C4orf50: variants seen among roughly 807,000 people sequenced by gnomAD.
The protein encoded by C4orf50 is chromosome 4 open reading frame 50.
Under a neutral mutation model 77.2 loss-of-function variants are expected in C4orf50, and 80 were observed. The ratio of observed to expected loss-of-function variants is 1.04; its 90% CI spans 0.87 to 1.25. The LOEUF is 1.25. Among genes scored for constraint, C4orf50 ranks in the 50% most tolerant of loss-of-function variants. The pLI, the probability that C4orf50 is intolerant of heterozygous loss-of-function variation, is 0.00. For missense variants in C4orf50, 1,257 were observed against 1,152.9 expected (o/e 1.09, Z -1.31); for synonymous variants, 532 against 465.3 (o/e 1.14, Z -1.84).
In C4orf50 at chr4:5,992,902, C is replaced by G. The variant is rs796126937; in HGVS notation, c.1122G>C (p.Trp374Cys). The stretch of plus-strand genomic sequence containing the variant: ...AGGCCCGTCCAGGCCTGATGCGGCT[C>G]CAGGTGCAGGGCCCCTCTGGGGACT... The change falls in exon 27 of 34, where the codon TGG becomes TGC. Residue 374 changes from tryptophan (W) to cysteine (C), a missense_variant. Transcript: ENST00000531445. This position sits in a 1 kb window ranked among gnomAD's most constrained non-coding sequence, Gnocchi z 5.0. The G allele has an allele frequency of 2.5e-6, 1 of 399,104 alleles. No homozygotes were observed. Among genetic ancestry groups the G allele is most frequent in the Non-Finnish European group, 4.4e-6 (1 of 226,122 alleles). 24.7% of individuals were successfully genotyped at this position (399,104 alleles called of 1,614,324 possible).
At position 5,992,866 on chromosome 4, in the gene C4orf50, C is replaced by T. The variant is rs532557482; in HGVS notation, c.1158G>A (p.Leu386=). ...CGCTTGTGGTCTCCGGGCCTGGAGC[C>T]AAAACAGAAGAGGCCCGTCCAGGCC... Residue 386 remains leucine, a synonymous_variant, in exon 27 of 34, where the codon TTG becomes TTA. Coordinates refer to ENST00000531445, the Ensembl canonical transcript of C4orf50. This position sits in a 1 kb window ranked among gnomAD's most constrained non-coding sequence, Gnocchi z 5.0. 2 of 399,084 alleles carry T rather than the reference C, an allele frequency of 5.0e-6. No homozygotes were observed. The highest frequency in any genetic ancestry group is 8.8e-6 in the Non-Finnish European group (2 of 226,128). 24.7% of individuals were successfully genotyped at this position (399,084 alleles called of 1,614,324 possible). A position where few individuals can be genotyped will look rare whatever the true frequency, so the allele number is the denominator to read the frequency against.
In C4orf50 at chr4:5,970,006, T is replaced by C. The variant is rs929630215; in HGVS notation, c.4105-2544A>G. On this transcript the variant is annotated intron_variant, in intron 31 of 33. Coordinates refer to ENST00000531445, the Ensembl canonical transcript of C4orf50. The surrounding 1 kb of genome is among the most constrained non-coding windows in gnomAD (Gnocchi z 4.3). ...TCCCAGGTGAGCCCCGGCAACCCTC[T>C]TCTCCTCTCCTTTGGTACCCGGGCC... is the stretch of plus-strand genomic sequence containing the variant. 6.6e-6 allele frequency among the ~76,000 whole-genome samples: 1 copy of C among 152,100 alleles called. No individual in the cohort carries two copies. The highest frequency in any genetic ancestry group is 2.4e-5 in the African/African-American group (1 of 41,404).
At position 6,015,191 on chromosome 4, in the gene C4orf50, A is replaced by G. The variant is rs763776555; in HGVS notation, c.287+2954T>C. Among the ~76,000 whole-genome samples the G allele has an allele frequency of 6.7e-4, 102 of 152,288 alleles. 1 individual carries two copies. The highest frequency in any genetic ancestry group is 2.3e-3 in the African/African-American group (95 of 41,574). On this transcript the variant is annotated intron_variant, in intron 23 of 33. Coordinates refer to ENST00000531445, the Ensembl canonical transcript of C4orf50. The surrounding 1 kb of genome is among the most constrained non-coding windows in gnomAD (Gnocchi z 4.4). ...TCCTGTGTTGAAGGCCTAACCCCCAAGTTCCTTAGAATGTGATTATATTTG... is the reference window on the plus strand; with the variant it reads ...TCCTGTGTTGAAGGCCTAACCCCCAGGTTCCTTAGAATGTGATTATATTTG...
intron 25 of C4orf50, among the ~76,000 whole-genome samples, chr4:5,996,759 G>A (rs1346827419): frequency 6.6e-6 from 1 of 152,188 alleles, no homozygotes; most frequent in Non-Finnish European, 1.5e-5. Flanking sequence ...ACCAGTGCAG[G>A]AGCCTCAACC....
intron 7 of C4orf50, among the ~76,000 whole-genome samples, chr4:5,913,468 C>G (rs954972064): frequency 2.0e-5 from 3 of 152,152 alleles, no homozygotes; most frequent in Non-Finnish European, 2.9e-5. Flanking sequence ...ACAGATGAGC[C>G]TGTTCAATTT....
intron 7 of C4orf50, among the ~76,000 whole-genome samples, chr4:5,944,470 A>G (rs1319577050): frequency 6.6e-6 from 1 of 152,176 alleles, no homozygotes; most frequent in East Asian, 1.9e-4. Flanking sequence ...GATGAGACAA[A>G]TAGAAGGAGT....
chr4:5,923,072 C>T (rs1717353054), intron 7 of C4orf50, among the ~76,000 whole-genome samples: 1 of 152,206 alleles, frequency 6.6e-6, no homozygotes, highest in Non-Finnish European at 1.5e-5. Flanking sequence ...ACAGAGTGAA[C>T]TTTCCTGGAG....
intron 7 of C4orf50, among the ~76,000 whole-genome samples, chr4:5,934,754 C>T (rs988642222): frequency 1.3e-5 from 2 of 152,188 alleles, no homozygotes; most frequent in African/African-American, 4.8e-5. Flanking sequence ...ACAATAGCAA[C>T]AACAATAATG....
Position 5,905,512 on chromosome 4 carries a change from A to C in C4orf50, c.*2475-7324T>G, listed in dbSNP as rs545584881. The C allele has an allele frequency of 6.6e-6, 1 of 152,356 alleles. No individual in the cohort carries two copies. The highest frequency in any genetic ancestry group is 2.4e-5 in the African/African-American group (1 of 41,564). The allele number at this position is 152,356 out of a possible 1,614,324, so 9.4% of individuals were successfully genotyped here. On this transcript the variant is annotated intron_variant, in intron 7 of 7. Coordinates refer to the C4orf50 transcript ENST00000324058. This position sits in a 1 kb window ranked among gnomAD's most constrained non-coding sequence, Gnocchi z 5.4. ...GAACATAGCAACCAGTGTGGCTTCTACATGAAGCCATCCACATGCACACAC... is the reference window on the plus strand; with the variant it reads ...GAACATAGCAACCAGTGTGGCTTCTCCATGAAGCCATCCACATGCACACAC...
chr4:5,928,187 C>A (rs1341448754), intron 7 of C4orf50, among the ~76,000 whole-genome samples: 1 of 152,150 alleles, frequency 6.6e-6, no homozygotes, highest in Non-Finnish European at 1.5e-5. Flanking sequence ...AAATAAAAAT[C>A]TTTCACAAAA....
At chr4:6,003,648 T>G (rs1721950016) in intron 25 of C4orf50, among the ~76,000 whole-genome samples, 1 of 121,844 alleles carries the variant, frequency 8.2e-6, no homozygotes. Flanking sequence ...GATGTGATAG[T>G]GATGATGGTG....
At chr4:5,991,758 G>C (rs1009647278) in intron 27 of C4orf50, among the ~76,000 whole-genome samples, 2 of 152,160 alleles carry the variant, frequency 1.3e-5, no homozygotes, top group African/African-American at 4.8e-5. Context: ...AAAGGACAGA[G>C]GGGGTCTGAG....
At chr4:5,951,793 C>G (rs1382386594) in intron 7 of C4orf50, among the ~76,000 whole-genome samples, 4 of 152,120 alleles carry the variant, frequency 2.6e-5, no homozygotes, top group African/African-American at 9.7e-5. Context: ...TCCGACCTAC[C>G]TTCTTGCTAA....
At chr4:5,957,853 A>G (rs1208261849) in exon 34 of C4orf50, 1 of 152,152 alleles carries the variant, frequency 6.6e-6, no homozygotes, top group East Asian at 1.9e-4. Flanking sequence ...AATAAAACCC[A>G]CTAGTTTCTA....
intron 7 of C4orf50, chr4:5,903,354 T>C (rs1280012563): frequency 6.6e-6 from 1 of 152,202 alleles, no homozygotes; most frequent in African/African-American, 2.4e-5. Flanking sequence ...CCTGTGTTCA[T>C]AGGAGCAATA....
Position 5,919,713 on chromosome 4 carries a change from C to G in C4orf50, c.*2475-21525G>C, listed in dbSNP as rs1420895543. On this transcript the variant is annotated intron_variant, in intron 7 of 7. Coordinates refer to the C4orf50 transcript ENST00000324058. The surrounding 1 kb of genome is among the most constrained non-coding windows in gnomAD (Gnocchi z 6.5). Reference sequence around the variant, plus strand: ...TGCTGCAAATAAGAATTGGTGCCTACTGGGCCCTGGAGGGACCACACCAGC... The same window carrying G: ...TGCTGCAAATAAGAATTGGTGCCTAGTGGGCCCTGGAGGGACCACACCAGC... Among the ~76,000 whole-genome samples, 2 of 152,160 alleles carry G rather than the reference C, an allele frequency of 1.3e-5. No homozygotes were observed. Among genetic ancestry groups the G allele is most frequent in the Non-Finnish European group, 2.9e-5 (2 of 68,030 alleles).
intron 7 of C4orf50, among the ~76,000 whole-genome samples, chr4:5,933,633 G>C (rs1717863573): frequency 6.6e-6 from 1 of 152,218 alleles, no homozygotes; most frequent in Non-Finnish European, 1.5e-5. Flanking sequence ...CTGCTACTAA[G>C]TGAGCTGGGG....
intron 7 of C4orf50, among the ~76,000 whole-genome samples, chr4:5,933,903 G>A (rs1717882405): frequency 6.6e-6 from 1 of 152,122 alleles, no homozygotes. Flanking sequence ...AGGAGTGGGA[G>A]GAGGAGGTCA....
intron 7 of C4orf50, among the ~76,000 whole-genome samples, chr4:5,934,738 T>C (rs1717933112): frequency 6.6e-6 from 1 of 152,188 alleles, no homozygotes. Context: ...GGTTTACTTG[T>C]AAATAACAAT....
Sources: gnomAD v4.1 joint callset for allele counts (sites outside exome capture counted in the v4.1 genomes callset) on GRCh38, gnomAD v4.1.1 for gene constraint, Gnocchi (gnomAD v3.1) non-coding constraint, MANE v1.5 for transcripts, NCBI Gene and HGNC (gene_info 2026-07-23, HGNC 2026-07-21) for gene names.